The following INSL6 variants were observed in gnomAD, a reference collection of about 807,000 sequenced individuals.
INSL6 encodes the protein insulin like 6.
A neutral mutation model predicts 9.4 loss-of-function variants in INSL6; 16 were observed. The ratio of observed to expected loss-of-function variants is 1.70; its 90% CI spans 1.15 to 2.59. The LOEUF is 2.59. INSL6 is among the 30% of genes most tolerant of loss of function. The probability of loss-of-function intolerance (pLI) is 0.00; values close to 1 mark genes in which losing one functional copy is unlikely to be tolerated. For synonymous variants in INSL6, 154 were observed against 96.9 expected (o/e 1.59, Z -3.46); for missense variants, 391 against 257.3 (o/e 1.52, Z -3.56).
intron 3 of INSL6, chr9:5,126,385 A>G (rs112745035): frequency 1.9e-6 from 3 of 1,611,104 alleles, no homozygotes; most frequent in East Asian, 4.5e-5. Context: ...ATCGTGTTCC[A>G]TTTGATAGAA....
the INSL6 span, among the ~76,000 whole-genome samples, chr9:5,107,234 C>A: frequency 1.3e-5 from 2 of 152,090 alleles, no homozygotes; most frequent in Non-Finnish European, 2.9e-5. Context: ...AATAACCTGA[C>A]ACTAGCCTTA....
At chr9:5,002,977 A>T in the INSL6 span, among the ~76,000 whole-genome samples, 4 of 151,980 alleles carry the variant, frequency 2.6e-5, no homozygotes, top group Admixed American at 1.3e-4. Context: ...ACTAAGCCAC[A>T]TGTTTTGAAA....
At chr9:5,110,827 T>G in the INSL6 span, 1 of 444,182 alleles carries the variant, frequency 2.3e-6, no homozygotes, top group East Asian at 5.4e-5. Context: ...CATCGCCCGT[T>G]TGTTCGGGGA....
intron 3 of INSL6, chr9:5,127,503 C>CAA (rs753090681): frequency 4.3e-6 from 1 of 230,880 alleles, no homozygotes; most frequent in Non-Finnish European, 8.6e-6. Context: ...AACAAGCTTA[C>CAA]AAAGATATAA....
At chr9:5,037,570 A>T in the INSL6 span, among the ~76,000 whole-genome samples, 645 of 152,326 alleles carry the variant, frequency 4.2e-3, 2 homozygotes, top group Non-Finnish European at 7.5e-3. Context: ...ACATGGATGA[A>T]GCTGGAAACC....
chr9:5,150,327 T>G (rs1824685913), intron 2 of INSL6, among the ~76,000 whole-genome samples: 1 of 151,890 alleles, frequency 6.6e-6, no homozygotes, highest in South Asian at 2.1e-4. Context: ...ATGGGAAAAA[T>G]ATTTGCAAGC....
chr9:5,163,794 G>T, downstream of INSL6: 2 of 684,172 alleles, frequency 2.9e-6, no homozygotes, highest in Non-Finnish European at 5.0e-6. Context: ...ATGGTCAAGT[G>T]CTTGCAAGTA....
chr9:5,172,367 A>T (rs1020960098), intron 1 of INSL6, among the ~76,000 whole-genome samples: 10 of 152,224 alleles, frequency 6.6e-5, no homozygotes, highest in Non-Finnish European at 1.3e-4. Flanking sequence ...CTAGAAGAAG[A>T]TCTAGGCAAT....
At chr9:5,128,678 G>A (rs115894704) in intron 3 of INSL6, among the ~76,000 whole-genome samples, 66 of 151,756 alleles carry the variant, frequency 4.3e-4, no homozygotes, top group African/African-American at 1.5e-3. Flanking sequence ...TTTAGAATGG[G>A]GTGACTACCT....
chr9:5,156,542 TAAAA>T (rs952977059), intron 2 of INSL6, among the ~76,000 whole-genome samples: 1 of 151,514 alleles, frequency 6.6e-6, no homozygotes, highest in East Asian at 1.9e-4. Flanking sequence ...TACTCATGAT[TAAAA>T]AAAAATTCTC....
At chr9:5,085,607 T>C in the INSL6 span, 2 of 699,206 alleles carry the variant, frequency 2.9e-6, no homozygotes, top group African/African-American at 3.5e-5. Context: ...ACAGAAAGAA[T>C]TAAATCTCCA....
downstream of INSL6, among the ~76,000 whole-genome samples, chr9:5,161,771 G>C (rs946422712): frequency 6.6e-6 from 1 of 152,076 alleles, no homozygotes; most frequent in African/African-American, 2.4e-5. Flanking sequence ...ACAAAATTCA[G>C]TAGCACTTCT....
the INSL6 span, among the ~76,000 whole-genome samples, chr9:5,019,435 GT>G: frequency 6.6e-6 from 1 of 151,820 alleles, no homozygotes; most frequent in Non-Finnish European, 1.5e-5. Flanking sequence ...ATCCTGAGTT[GT>G]TTTTCTGGTT....
chr9:5,080,436 TTC>T, the INSL6 span: 1 of 1,547,414 alleles, frequency 6.5e-7, no homozygotes, highest in Non-Finnish European at 8.8e-7. Flanking sequence ...TCATATTTCT[TTC>T]ACATGATTTG....
chr9:5,010,875 C>G, the INSL6 span, among the ~76,000 whole-genome samples: 3 of 152,114 alleles, frequency 2.0e-5, no homozygotes, highest in African/African-American at 7.2e-5. Context: ...TATAATACAA[C>G]AGATCCAGTA....
the INSL6 span, among the ~76,000 whole-genome samples, chr9:5,042,999 G>A: frequency 6.6e-6 from 1 of 152,230 alleles, no homozygotes; most frequent in Non-Finnish European, 1.5e-5. Flanking sequence ...GGGTGGGCCG[G>A]CTGGCGTCGC....
chr9:5,113,444 A>C, the INSL6 span: 16 of 123,778 alleles, frequency 1.3e-4, no homozygotes, highest in Admixed American at 2.6e-4. Flanking sequence ...AAAAAAAAAA[A>C]AAAAACCCGG....
the INSL6 span, chr9:5,111,267 C>G: frequency 1.2e-5 from 6 of 493,454 alleles, no homozygotes; most frequent in South Asian, 1.1e-4. Flanking sequence ...CGTGCGCAGC[C>G]TGACTCAGGC....
chr9:5,156,402 G>T (rs1011372422), intron 2 of INSL6, among the ~76,000 whole-genome samples: 1 of 152,116 alleles, frequency 6.6e-6, no homozygotes, highest in African/African-American at 2.4e-5. Context: ...ATATCTCTAT[G>T]GCTATTGATG....
Sources: allele counts gnomAD v4.1 joint callset (sites outside exome capture counted in the v4.1 genomes callset), GRCh38; gene constraint gnomAD v4.1.1; transcripts MANE v1.5; gene names NCBI Gene and HGNC (gene_info 2026-07-23, HGNC 2026-07-21).